The following FAM124A variants were observed in gnomAD, a reference collection of about 807,000 sequenced individuals.
The protein encoded by FAM124A is protein FAM124A.
A neutral mutation model predicts 24.5 loss-of-function variants in FAM124A; 23 were observed. The observed-to-expected ratio is 0.94, with a 90% CI of 0.68 to 1.33. The LOEUF is 1.33. FAM124A is among the 40% of genes most tolerant of loss of function. FAM124A has a pLI of 0.00. For missense variants in FAM124A, 623 were observed against 722.8 expected, an observed-to-expected ratio of 0.86 and a Z score of 1.58; for synonymous variants, 287 against 314.7, an observed-to-expected ratio of 0.91 and a Z score of 0.93.
At chr13:51,242,487 T>C (rs981512887) in intron 2 of FAM124A, among the ~76,000 whole-genome samples, 1 of 152,216 alleles carries the variant, frequency 6.6e-6, no homozygotes, top group Non-Finnish European at 1.5e-5. Context: ...TAAGTGTTTC[T>C]AGCTGCAGTT....
At chr13:51,233,065 GTA>G (rs548312648) in intron 2 of FAM124A, among the ~76,000 whole-genome samples, 6 of 152,018 alleles carry the variant, frequency 3.9e-5, no homozygotes, top group Non-Finnish European at 7.4e-5. Flanking sequence ...GAGTGAGTGT[GTA>G]TATGTGTTTC....
intron 2 of FAM124A, among the ~76,000 whole-genome samples, chr13:51,242,097 C>A (rs886192836): frequency 6.6e-6 from 1 of 151,916 alleles, no homozygotes; most frequent in Non-Finnish European, 1.5e-5. Context: ...TTGTTTTGTT[C>A]TTTTTGGTAG....
Position 51,251,098 on chromosome 13 carries a change from A to T in FAM124A, c.101-370A>T, listed in dbSNP as rs976762450. On this transcript the variant is annotated intron_variant, in intron 2 of 3. Coordinates refer to ENST00000322475, the MANE Select transcript of FAM124A (RefSeq NM_001242312.2). This position sits in a 1 kb window ranked among gnomAD's most constrained non-coding sequence, Gnocchi z 5.3. ...AATGGTGTCCACAAGATGCTATGCC[A>T]TCTTTTCTAATGGGCCTGTTGTTCC... is the stretch of plus-strand genomic sequence containing the variant. 6.6e-6 allele frequency among the ~76,000 whole-genome samples: 1 copy of T among 152,250 alleles called. No individual in the cohort carries two copies. Among genetic ancestry groups the T allele is most frequent in the Non-Finnish European group, 1.5e-5 (1 of 68,038 alleles).
At chr13:51,274,650 C>A (rs981202759) in intron 3 of FAM124A, among the ~76,000 whole-genome samples, 12 of 152,052 alleles carry the variant, frequency 7.9e-5, no homozygotes, top group African/African-American at 2.4e-4. Flanking sequence ...GATATATAGG[C>A]ATATATCATA....
At chr13:51,246,517 G>A (rs1402306768) in intron 2 of FAM124A, among the ~76,000 whole-genome samples, 2 of 151,914 alleles carry the variant, frequency 1.3e-5, no homozygotes, top group Non-Finnish European at 2.9e-5. Context: ...GCCAGAGCAT[G>A]CTAATGCCAC....
intron 3 of FAM124A, among the ~76,000 whole-genome samples, chr13:51,269,939 T>G (rs1284457741): frequency 6.6e-6 from 1 of 152,198 alleles, no homozygotes; most frequent in Non-Finnish European, 1.5e-5. Context: ...CCAGGACGAC[T>G]TTACGTACAG....
intron 1 of FAM124A, 71 bp from the exon 2 acceptor site, chr13:51,231,277 T>A: frequency 1.3e-6 from 2 of 1,556,336 alleles, no homozygotes; most frequent in Non-Finnish European, 1.8e-6. Context: ...TACCACTGAC[T>A]GTTTAAAATT....
chr13:51,231,400 C>G, intron 2 of FAM124A, 21 bp downstream of exon 2: 1 of 1,613,676 alleles, frequency 6.2e-7, no homozygotes, highest in African/African-American at 1.3e-5. Flanking sequence ...TTTAAACATC[C>G]TTCAGCATTG....
intron 3 of FAM124A, among the ~76,000 whole-genome samples, chr13:51,266,680 G>T (rs1396421568): frequency 6.6e-6 from 1 of 152,178 alleles, no homozygotes; most frequent in Non-Finnish European, 1.5e-5. Context: ...AAGGGGGCCT[G>T]CCTCCTGCAT....
intron 2 of FAM124A, among the ~76,000 whole-genome samples, chr13:51,238,352 G>A (rs1315364566): frequency 6.6e-6 from 1 of 152,190 alleles, no homozygotes; most frequent in Non-Finnish European, 1.5e-5. Flanking sequence ...TGTACTGAAA[G>A]TTTGAGGAGC....
At position 51,272,564 on chromosome 13, in the gene FAM124A, T is replaced by TACAC. The variant is rs1428228310; in HGVS notation, c.835-7885_835-7884insCACA. On this transcript the variant is annotated intron_variant, in intron 3 of 3. Coordinates refer to ENST00000322475, the MANE Select transcript of FAM124A (RefSeq NM_001242312.2). This position sits in a 1 kb window ranked among gnomAD's most constrained non-coding sequence, Gnocchi z 4.2. Reference sequence around the variant, plus strand: ...CCACCTATTTTTGTAAATAAAGCCTTATACACACACACACACACACACACA... The same window carrying TACAC: ...CCACCTATTTTTGTAAATAAAGCCTTACACATACACACACACACACACACACACA... Among the ~76,000 whole-genome samples, 11 of 74,070 alleles carry TACAC rather than the reference T, an allele frequency of 1.5e-4. No individual in the cohort carries two copies. The highest frequency in any genetic ancestry group is 6.1e-4 in the African/African-American group (9 of 14,756). The allele number at this position is 74,070 out of a possible 152,430, so 48.6% of individuals were successfully genotyped here.
Position 51,251,641 on chromosome 13 carries a change from A to T in FAM124A, c.274A>T (p.Lys92Ter). Residue 92 changes from lysine (K) to a stop codon, truncating the protein, a stop_gained, in exon 3 of 4, where the codon AAG (lysine) becomes TAG (stop). Coordinates refer to ENST00000322475, the MANE Select transcript of FAM124A (RefSeq NM_001242312.2). LOFTEE classifies it high-confidence loss of function. The surrounding 1 kb of genome is among the most constrained non-coding windows in gnomAD (Gnocchi z 5.3). The stretch of plus-strand genomic sequence containing the variant: ...GAGGCGGGCGTCCCGGCGGCGGCGG[A>T]AGCCCCCCAAGGGCGCTCAGCCAGC... ...SERRASRRRR[K>*]PPKGAQPALA... 6.4e-7 allele frequency: 1 copy of T among 1,566,562 alleles called. No individual in the cohort carries two copies. Among genetic ancestry groups the T allele is most frequent in the Non-Finnish European group, 8.7e-7 (1 of 1,153,964 alleles).
chr13:51,280,119 T>C (rs1453969325), intron 3 of FAM124A, among the ~76,000 whole-genome samples: 2 of 152,338 alleles, frequency 1.3e-5, no homozygotes, highest in East Asian at 3.9e-4. Context: ...ATAATTCTTA[T>C]CTCCGTTATC....
chr13:51,262,513 T>C (rs1200238286), intron 3 of FAM124A, among the ~76,000 whole-genome samples: 1 of 152,218 alleles, frequency 6.6e-6, no homozygotes, highest in Non-Finnish European at 1.5e-5. Flanking sequence ...TTAAATTTTT[T>C]CTTCTTTCTC....
In FAM124A at chr13:51,260,547, C is replaced by A. The variant is rs555807700; in HGVS notation, c.834+8346C>A. 1.2e-3 allele frequency among the ~76,000 whole-genome samples: 183 copies of A among 152,328 alleles called. No homozygotes were observed. The Middle Eastern group carries it at 0.014, about 11-fold the overall frequency. Reference sequence around the variant, plus strand: ...TTCCACGCTTTGGGCTAAGTGTGATCTAATATCTTACTTAACCCTCAGCAT... The same window carrying A: ...TTCCACGCTTTGGGCTAAGTGTGATATAATATCTTACTTAACCCTCAGCAT... On this transcript the variant is annotated intron_variant, in intron 3 of 3. Coordinates refer to ENST00000322475, the MANE Select transcript of FAM124A (RefSeq NM_001242312.2).
chr13:51,241,541 G>A (rs1954494452), intron 2 of FAM124A, among the ~76,000 whole-genome samples: 1 of 152,126 alleles, frequency 6.6e-6, no homozygotes, highest in Admixed American at 6.5e-5. Context: ...TTGACAAGTG[G>A]CCTGACCCCA....
At chr13:51,256,968 C>G (rs1954681370) in intron 3 of FAM124A, among the ~76,000 whole-genome samples, 1 of 152,190 alleles carries the variant, frequency 6.6e-6, no homozygotes, top group South Asian at 2.1e-4. Context: ...GCTTATTTCA[C>G]TTGGCATAAT....
intron 2 of FAM124A, among the ~76,000 whole-genome samples, chr13:51,236,067 T>C (rs1010611142): frequency 6.6e-6 from 1 of 152,168 alleles, no homozygotes; most frequent in Non-Finnish European, 1.5e-5. Flanking sequence ...TCCCTTCCTG[T>C]CGACATCCTC....
In FAM124A at chr13:51,278,791, C is replaced by T. The variant is rs181255354; in HGVS notation, c.835-1659C>T. On this transcript the variant is annotated intron_variant, in intron 3 of 3. Transcript: ENST00000322475. ...TAGATTTCTGTTAAACAAGCACAGTCGTGAAAATCTCTGCAAAACTACACA... is the reference window on the plus strand; with the variant it reads ...TAGATTTCTGTTAAACAAGCACAGTTGTGAAAATCTCTGCAAAACTACACA... 3.3e-5 allele frequency among the ~76,000 whole-genome samples: 5 copies of T among 152,318 alleles called. No homozygotes were observed. In the East Asian group the frequency reaches 7.7e-4, roughly 24 times the overall value.
Sources: gnomAD v4.1 joint callset for allele counts (sites outside exome capture counted in the v4.1 genomes callset) on GRCh38, gnomAD v4.1.1 for gene constraint, Gnocchi (gnomAD v3.1) non-coding constraint, MANE v1.5 for transcripts, NCBI Gene and HGNC (gene_info 2026-07-23, HGNC 2026-07-21) for gene names.